COL11A2: variants seen among roughly 807,000 people sequenced by gnomAD.
COL11A2 encodes collagen type XI alpha 2 chain.
Under a neutral mutation model 273.4 loss-of-function variants are expected in COL11A2, and 116 were observed. The observed-to-expected ratio is 0.42, with a 90% CI of 0.36 to 0.49. The LOEUF is 0.49. Ranked by LOEUF, COL11A2 falls within the 20% of genes least tolerant of loss-of-function variation. The pLI, the probability that COL11A2 is intolerant of heterozygous loss-of-function variation, is 0.00. For synonymous variants in COL11A2, 782 were observed against 864.2 expected, an observed-to-expected ratio of 0.90 and a Z score of 1.67; for missense variants, 1,866 against 2,309.0, an observed-to-expected ratio of 0.81 and a Z score of 3.93.
At position 33,173,209 on chromosome 6, in the gene COL11A2, C is replaced by A; in HGVS notation, c.2737-96G>T. On this transcript the variant is annotated intron_variant, in intron 37 of 65. Coordinates refer to ENST00000341947, the MANE Select transcript of COL11A2 (RefSeq NM_080680.3). This position sits in a 1 kb window ranked among gnomAD's most constrained non-coding sequence, Gnocchi z 6.3. ...GGATCCCAGGCAGGATCACACCAAG[C>A]CCTGGGCCCTGGGTCTGAGCAGCAC... The A allele has an allele frequency of 6.6e-7, 1 of 1,525,834 alleles. No homozygotes were observed. Among genetic ancestry groups the A allele is most frequent in the Non-Finnish European group, 9.0e-7 (1 of 1,115,880 alleles). The allele number at this position is 1,525,834 out of a possible 1,614,324, so 94.5% of individuals were successfully genotyped here. A position where few individuals can be genotyped will look rare whatever the true frequency, so the allele number is the denominator to read the frequency against.
In COL11A2 at chr6:33,166,925, T is replaced by A. The variant is rs781393217; in HGVS notation, c.4231-98A>T. On this transcript the variant is annotated intron_variant, in intron 58 of 65. Transcript: ENST00000341947. The surrounding 1 kb of genome is among the most constrained non-coding windows in gnomAD (Gnocchi z 4.8). Reference sequence around the variant, plus strand: ...CATGGAGAGGGAGCCGGGCACAGGGTCCGTGAGTGGCCCTCACTGAGCAGG... The same window carrying A: ...CATGGAGAGGGAGCCGGGCACAGGGACCGTGAGTGGCCCTCACTGAGCAGG... The A allele has an allele frequency of 2.1e-5, 32 of 1,511,460 alleles. No homozygotes were observed. In the Admixed American group the frequency reaches 2.2e-4, roughly 11 times the overall value. 93.6% of individuals were successfully genotyped at this position (1,511,460 alleles called of 1,614,324 possible).
chr6:33,179,632 C>A lies in COL11A2; in HGVS notation c.1446+87G>T. 1 of 1,534,268 alleles carries A rather than the reference C, an allele frequency of 6.5e-7. No individual in the cohort carries two copies. The highest frequency in any genetic ancestry group is 2.3e-5 in the East Asian group (1 of 43,504). ...CCTCCCTGTTAACCCCAAACCAACC[C>A]AGGCCTCCCCTGCCGCACACTCACT... On this transcript the variant is annotated intron_variant, in intron 13 of 65. Transcript: ENST00000341947. The surrounding 1 kb of genome is among the most constrained non-coding windows in gnomAD (Gnocchi z 6.4).
At chr6:33,172,493 G>C (rs1324460332) in intron 39 of COL11A2, 37 bp downstream of exon 39, 1 of 1,592,218 alleles carries the variant, frequency 6.3e-7, no homozygotes, top group Non-Finnish European at 8.6e-7. Context: ...CCAATCCCCA[G>C]CTCCCCCACT....
chr6:33,172,019 C>T (rs1327747597), intron 41 of COL11A2, 31 bp downstream of exon 41: 1 of 1,612,858 alleles, frequency 6.2e-7, no homozygotes, highest in Non-Finnish European at 8.5e-7. Flanking sequence ...TTCCCGGGTC[C>T]TTCCTACCAC....
intron 12 of COL11A2, 52 bp downstream of exon 12, chr6:33,180,206 C>T: frequency 6.5e-7 from 1 of 1,549,262 alleles, no homozygotes; most frequent in Non-Finnish European, 8.9e-7. Context: ...TAACATGACA[C>T]AATTCCTTGT....
chr6:33,170,310 G>A lies in COL11A2; in HGVS notation c.3582+16C>T. The A allele has an allele frequency of 6.2e-7, 1 of 1,612,854 alleles. No homozygotes were observed. Among genetic ancestry groups the A allele is most frequent in the Non-Finnish European group, 8.5e-7 (1 of 1,179,506 alleles). The stretch of plus-strand genomic sequence containing the variant: ...AGACACATTGGTCTCAAGGGACAGG[G>A]GCTGAGATGACTCACATCAGCGCCA... On this transcript the variant is annotated intron_variant, in intron 48 of 65. Transcript: ENST00000341947. The surrounding 1 kb of genome is among the most constrained non-coding windows in gnomAD (Gnocchi z 4.3).
rs751690328 is a variant in COL11A2, at chr6:33,174,066, T to C, written c.2485-11A>G. On this transcript the variant is annotated splice_polypyrimidine_tract_variant and intron_variant, in intron 32 of 65. Coordinates refer to ENST00000341947, the MANE Select transcript of COL11A2 (RefSeq NM_080680.3). ...CTTCCCCGACAGGCCCTGGTGGGAA[T>C]GAAGCAGAGAGAACATTACCCAGGG... is the stretch of plus-strand genomic sequence containing the variant. The C allele has an allele frequency of 1.2e-6, 2 of 1,613,680 alleles. No homozygotes were observed. Among genetic ancestry groups the C allele is most frequent in the Non-Finnish European group, 1.7e-6 (2 of 1,179,946 alleles).
intron 30 of COL11A2, 61 bp downstream of exon 30, chr6:33,175,513 C>T: frequency 7.0e-7 from 1 of 1,431,626 alleles, no homozygotes; most frequent in East Asian, 2.3e-5. Flanking sequence ...CACCCATGCC[C>T]ATCCTGACCC....
Position 33,163,113 on chromosome 6 carries a change from C to G in COL11A2, c.*565G>C, listed in dbSNP as rs1768571584. 1.3e-5 allele frequency: 2 copies of G among 159,756 alleles called. No homozygotes were observed. Among genetic ancestry groups the G allele is most frequent in the East Asian group, 3.7e-4 (2 of 5,462 alleles). 9.9% of individuals were successfully genotyped at this position (159,756 alleles called of 1,614,324 possible). A position where few individuals can be genotyped will look rare whatever the true frequency, so the allele number is the denominator to read the frequency against. ...AGTCAGAGCCCTGAGGCCAGGGAGA[C>G]CACATATTCCAACTTTCACAGTGGG... On this transcript the variant is annotated 3_prime_UTR_variant, in exon 66 of 66. Coordinates refer to ENST00000341947, the MANE Select transcript of COL11A2 (RefSeq NM_080680.3). This position sits in a 1 kb window ranked among gnomAD's most constrained non-coding sequence, Gnocchi z 4.1.
At position 33,166,744 on chromosome 6, in the gene COL11A2, G is replaced by C; in HGVS notation, c.4314C>G (p.Gly1438=). The C allele has an allele frequency of 6.2e-7, 1 of 1,613,552 alleles. No homozygotes were observed. Among genetic ancestry groups the C allele is most frequent in the Non-Finnish European group, 8.5e-7 (1 of 1,180,014 alleles). Residue 1438 remains glycine, a synonymous_variant, in exon 59 of 66, where the codon GGC becomes GGG. Transcript: ENST00000341947. The surrounding 1 kb of genome is among the most constrained non-coding windows in gnomAD (Gnocchi z 4.8). The part of the protein sequence containing the change: ...KGDRGLPGPQ[G]SPGQKGEMGI... Reference sequence around the variant, plus strand: ...CCATCTCACCCTTCTGCCCAGGGGAGCCCTGAGGCCCAGGAAGTCCCCGAT... The same window carrying C: ...CCATCTCACCCTTCTGCCCAGGGGACCCCTGAGGCCCAGGAAGTCCCCGAT...
chr6:33,172,976 G>A, intron 38 of COL11A2, 84 bp downstream of exon 38: 1 of 1,441,416 alleles, frequency 6.9e-7, no homozygotes, highest in Non-Finnish European at 9.7e-7. Flanking sequence ...GGTGGACCGG[G>A]GCAGGGGCGT....
rs370159193 is a variant in COL11A2 at position 33,165,503 on chromosome 6, C to A, written c.4750+46G>T. ...AGCATCCATTCTGCTTGTTCAGTAC[C>A]CATGCTGTTGGGGAGATGTTTGTGC... On this transcript the variant is annotated intron_variant, in intron 63 of 65. Coordinates refer to ENST00000341947, the MANE Select transcript of COL11A2 (RefSeq NM_080680.3). The surrounding 1 kb of genome is among the most constrained non-coding windows in gnomAD (Gnocchi z 7.7). 8.7e-6 allele frequency: 14 copies of A among 1,605,924 alleles called. No homozygotes were observed. Among genetic ancestry groups the A allele is most frequent in the East Asian group, 4.5e-5 (2 of 44,864 alleles).
At position 33,179,554 on chromosome 6, in the gene COL11A2, C is replaced by G; in HGVS notation, c.1447-67G>C. The G allele has an allele frequency of 6.8e-7, 1 of 1,476,492 alleles. No individual in the cohort carries two copies. Among genetic ancestry groups the G allele is most frequent in the Non-Finnish European group, 9.3e-7 (1 of 1,079,562 alleles). 91.5% of individuals were successfully genotyped at this position (1,476,492 alleles called of 1,614,324 possible). ...GGGAACCCCCAGCCCCAGCACTCTC[C>G]AAATTCACCCTTCCTCTCCTGATCC... On this transcript the variant is annotated intron_variant, in intron 13 of 65. Coordinates refer to ENST00000341947, the MANE Select transcript of COL11A2 (RefSeq NM_080680.3). The surrounding 1 kb of genome is among the most constrained non-coding windows in gnomAD (Gnocchi z 6.4).
rs772944489 is a variant in COL11A2 at position 33,171,362 on chromosome 6, G to T, written c.3259-38C>A. 7 of 1,613,506 alleles carry T rather than the reference G, an allele frequency of 4.3e-6. No individual in the cohort carries two copies. In the East Asian group the frequency reaches 1.3e-4, roughly 31 times the overall value. On this transcript the variant is annotated intron_variant, in intron 43 of 65. Coordinates refer to ENST00000341947, the MANE Select transcript of COL11A2 (RefSeq NM_080680.3). Reference sequence around the variant, plus strand: ...GGCAGACAAGATATTAGAGAAAGGTGATGGGTAGAGTGGGAAGGATGACAT... The same window carrying T: ...GGCAGACAAGATATTAGAGAAAGGTTATGGGTAGAGTGGGAAGGATGACAT...
chr6:33,174,223 T>C lies in COL11A2; in HGVS notation c.2431-5A>G. ...GCCAGGAAATCCTAGGGACCCCTGG[T>C]GAGAACGGAGAAGGGGGGAAATTGA... On this transcript the variant is annotated splice_region_variant and splice_polypyrimidine_tract_variant and intron_variant, in intron 31 of 65. Transcript: ENST00000341947. 1 of 1,558,734 alleles carries C rather than the reference T, an allele frequency of 6.4e-7. No individual in the cohort carries two copies. The highest frequency in any genetic ancestry group is 1.2e-5 in the South Asian group (1 of 85,216).
chr6:33,166,401 C>G lies in COL11A2; in HGVS notation c.4392+112G>C. ...TGGTGGTGACAGGACAAATGGGGGA[C>G]CCTGAGGACTATGCTTGTTAGGCTG... On this transcript the variant is annotated intron_variant, in intron 60 of 65. Transcript: ENST00000341947. The surrounding 1 kb of genome is among the most constrained non-coding windows in gnomAD (Gnocchi z 4.8). 7.3e-7 allele frequency: 1 copy of G among 1,366,568 alleles called. No homozygotes were observed. Among genetic ancestry groups the G allele is most frequent in the Non-Finnish European group, 1.0e-6 (1 of 983,926 alleles). The allele number at this position is 1,366,568 out of a possible 1,614,324, so 84.7% of individuals were successfully genotyped here.
chr6:33,170,802 C>T lies in COL11A2; in HGVS notation c.3474+8G>A, dbSNP rs1259201253. The T allele has an allele frequency of 2.5e-6, 4 of 1,612,190 alleles. No individual in the cohort carries two copies. The South Asian group carries it at 3.3e-5, about 13-fold the overall frequency. On this transcript the variant is annotated splice_region_variant and intron_variant, in intron 46 of 65. Transcript: ENST00000341947. This position sits in a 1 kb window ranked among gnomAD's most constrained non-coding sequence, Gnocchi z 4.3. ...ACCTCTCAGCCCCTGTCCTATCCCC[C>T]AACACACCTGTAGGCCAATGGGTCC...
rs1269929627 is a variant in COL11A2, at chr6:33,173,654, G to A, written c.2628+47C>T. ...GGTGAGGAGGGAGCTGGCTCACCCA[G>A]GCTCCCTGGGGACCTCAGGGGAAGG... On this transcript the variant is annotated intron_variant, in intron 35 of 65. Coordinates refer to ENST00000341947, the MANE Select transcript of COL11A2 (RefSeq NM_080680.3). The surrounding 1 kb of genome is among the most constrained non-coding windows in gnomAD (Gnocchi z 6.3). 2 of 1,540,228 alleles carry A rather than the reference G, an allele frequency of 1.3e-6. No homozygotes were observed. Among genetic ancestry groups the A allele is most frequent in the Non-Finnish European group, 1.8e-6 (2 of 1,127,426 alleles).
At position 33,165,614 on chromosome 6, in the gene COL11A2, C is replaced by T; in HGVS notation, c.4685G>A (p.Gly1562Glu). The T allele has an allele frequency of 6.2e-7, 1 of 1,613,400 alleles. No homozygotes were observed. The highest frequency in any genetic ancestry group is 8.5e-7 in the Non-Finnish European group (1 of 1,180,008). Residue 1562 changes from glycine to glutamate, a missense_variant, in exon 63 of 66, where the codon GGG (glycine) becomes GAG (glutamate). Gly to Glu is a moderately conservative substitution (Grantham distance 98). Coordinates refer to ENST00000341947, the MANE Select transcript of COL11A2 (RefSeq NM_080680.3). This position sits in a 1 kb window ranked among gnomAD's most constrained non-coding sequence, Gnocchi z 7.7. Reference sequence around the variant, plus strand: ...GGTGCGAGCAGGGCTGTCCTGGGTCCCTGTTGGCCGCCTCATCTGCTCGAT... The same window carrying T: ...GGTGCGAGCAGGGCTGTCCTGGGTCTCTGTTGGCCGCCTCATCTGCTCGAT... ...EEIEQMRRPT[G>E]TQDSPARTCQ...
Sources: gnomAD v4.1 joint callset for allele counts on GRCh38, gnomAD v4.1.1 for gene constraint, Gnocchi (gnomAD v3.1) non-coding constraint, MANE v1.5 for transcripts, NCBI Gene and HGNC (gene_info 2026-07-23, HGNC 2026-07-21) for gene names.